COL13A1: variants seen among roughly 807,000 people sequenced by gnomAD.
COL13A1 encodes collagen type XIII alpha 1 chain.
COL13A1 carries 89 observed loss-of-function variants against 130.9 expected under a neutral mutation model. The ratio of observed to expected loss-of-function variants is 0.68; its 90% CI spans 0.57 to 0.81. The LOEUF is 0.81. Ranked by LOEUF, COL13A1 falls within the 30% of genes least tolerant of loss-of-function variation. The pLI is 0.00. For missense variants in COL13A1, 879 were observed against 934.6 expected (o/e 0.94, Z 0.78); for synonymous variants, 402 against 341.6 (o/e 1.18, Z -1.95).
intron 18 of COL13A1, among the ~76,000 whole-genome samples, chr10:69,917,913 TCTCCTCCTCCTC>T (rs563821634): frequency 6.6e-6 from 1 of 151,000 alleles, no homozygotes; most frequent in Admixed American, 6.6e-5. Context: ...TCCCTTCCCA[TCTCCTCCTCCTC>T]CTCCTCCTTT....
chr10:69,869,665 C>A (rs1280599892), intron 3 of COL13A1, among the ~76,000 whole-genome samples: 5 of 152,232 alleles, frequency 3.3e-5, no homozygotes, highest in Non-Finnish European at 7.3e-5. Flanking sequence ...ATGCCCCTGG[C>A]AGACATTGCT....
chr10:69,879,752 C>G (rs2059945258), intron 6 of COL13A1, among the ~76,000 whole-genome samples: 1 of 152,190 alleles, frequency 6.6e-6, no homozygotes, highest in Admixed American at 6.5e-5. Flanking sequence ...ACACATGGCA[C>G]TTGTCTAGCT....
chr10:69,905,808 T>C lies in COL13A1; in HGVS notation c.907T>C (p.Tyr303His). 1 of 1,613,736 alleles carries C rather than the reference T, an allele frequency of 6.2e-7. No individual in the cohort carries two copies. The highest frequency in any genetic ancestry group is 8.5e-7 in the Non-Finnish European group (1 of 1,179,798). The change falls in exon 17 of 41, where the codon TAC becomes CAC. Residue 303 changes from tyrosine (Y) to histidine (H), a missense_variant. Coordinates refer to ENST00000645393, the MANE Select transcript of COL13A1 (RefSeq NM_001368882.1). ...GPKGDPGIQG[Y>H]HGRKGERGMP... is the part of the protein sequence containing the mutation. ...CCAGGGAGACCCAGGGATCCAGGGC[T>C]ACCACGGCCGGAAGGTAAGATGGAG... is the stretch of plus-strand genomic sequence containing the variant.
In COL13A1 at chr10:69,956,964, G is replaced by A. The variant is rs190099816; in HGVS notation, c.2146-40G>A. On this transcript the variant is annotated intron_variant, in intron 39 of 40. Coordinates refer to ENST00000645393, the MANE Select transcript of COL13A1 (RefSeq NM_001368882.1). ...TGTCCTGCCCACTTGGTGGACCATT[G>A]CAGGAAGTCTGAGCCCTCTGCCTTC... is the stretch of plus-strand genomic sequence containing the variant. 7.2e-5 allele frequency: 114 copies of A among 1,585,560 alleles called. No individual in the cohort carries two copies. The African/African-American group carries it at 1.3e-3, about 18-fold the overall frequency.
intron 35 of COL13A1, among the ~76,000 whole-genome samples, chr10:69,943,481 C>T (rs2067966373): frequency 6.6e-6 from 1 of 152,240 alleles, no homozygotes; most frequent in Non-Finnish European, 1.5e-5. Context: ...GGCTCCAGCG[C>T]CCCCAGCCCC....
intron 1 of COL13A1, among the ~76,000 whole-genome samples, chr10:69,809,454 A>G (rs1313104860): frequency 1.3e-5 from 2 of 152,250 alleles, no homozygotes; most frequent in African/African-American, 4.8e-5. Context: ...CAATAATCCT[A>G]TGAAGTGGTT....
chr10:69,880,176 G>A (rs2059989086), intron 6 of COL13A1, among the ~76,000 whole-genome samples: 1 of 151,954 alleles, frequency 6.6e-6, no homozygotes, highest in South Asian at 2.1e-4. Flanking sequence ...CCCCGGCCTG[G>A]GGTCCCACCA....
intron 34 of COL13A1, among the ~76,000 whole-genome samples, chr10:69,940,410 C>G (rs761023923): frequency 1.3e-5 from 2 of 152,148 alleles, no homozygotes; most frequent in Non-Finnish European, 2.9e-5. Context: ...CATCTAAGAG[C>G]CAACTCATTC....
intron 1 of COL13A1, among the ~76,000 whole-genome samples, chr10:69,803,532 G>T (rs1840630670): frequency 6.6e-6 from 1 of 152,162 alleles, no homozygotes; most frequent in Non-Finnish European, 1.5e-5. Context: ...TGATCTGTGG[G>T]AATCTGGACA....
chr10:69,949,966 G>A (rs1025656966), intron 38 of COL13A1, among the ~76,000 whole-genome samples: 12 of 78,262 alleles, frequency 1.5e-4, no homozygotes, highest in South Asian at 9.2e-4. Context: ...TTGTGTGTGC[G>A]TGTGTGTGTG....
chr10:69,925,175 A>G (rs965880428), intron 25 of COL13A1, among the ~76,000 whole-genome samples, 168 bp downstream of exon 25: 2 of 152,228 alleles, frequency 1.3e-5, no homozygotes, highest in African/African-American at 4.8e-5. Context: ...GAGGGCTTCA[A>G]TATTTAAAGG....
At chr10:69,810,374 G>GACAC (rs1460780355) in intron 1 of COL13A1, among the ~76,000 whole-genome samples, 4 of 151,352 alleles carry the variant, frequency 2.6e-5, no homozygotes, top group East Asian at 1.9e-4. Flanking sequence ...GAGAGAGAGA[G>GACAC]AGAGAGACAG....
intron 35 of COL13A1, among the ~76,000 whole-genome samples, chr10:69,941,455 G>T (rs935711117): frequency 1.3e-5 from 2 of 152,166 alleles, no homozygotes; most frequent in Non-Finnish European, 2.9e-5. Context: ...CTTCCCACGA[G>T]GGCCTCCTAG....
At chr10:69,824,781 G>A (rs1321128091) in intron 2 of COL13A1, among the ~76,000 whole-genome samples, 2 of 152,220 alleles carry the variant, frequency 1.3e-5, no homozygotes, top group East Asian at 3.9e-4. Context: ...TTTCTAAAAA[G>A]GCAGTTTGGC....
rs140550037 is a variant in COL13A1 at position 69,871,990 on chromosome 10, G to T, written c.373-194G>T. ...AGAGCCAAGAGGTGAACACAGGTGG[G>T]CTTTCTTCAGAGCCAGAACTGGAAG... On this transcript the variant is annotated intron_variant, in intron 3 of 40. Coordinates refer to ENST00000645393, the MANE Select transcript of COL13A1 (RefSeq NM_001368882.1). Among the ~76,000 whole-genome samples, 115 of 152,324 alleles carry T rather than the reference G, an allele frequency of 7.5e-4. 1 individual carries two copies. The East Asian group carries it at 0.02, about 26-fold the overall frequency.
chr10:69,880,507 C>T lies in COL13A1; in HGVS notation c.467C>T (p.Ser156Phe), dbSNP rs141069345. ...GVKGQPGEKGSPGDAGLSIIG... is the reference protein window; with the variant it reads ...GVKGQPGEKGFPGDAGLSIIG... ...CCCCTTCCTCTCTCCCCGCAGGGGTCCCCCGGAGACGCTGGGCTGTCCATC... is the reference window on the plus strand; with the variant it reads ...CCCCTTCCTCTCTCCCCGCAGGGGTTCCCCGGAGACGCTGGGCTGTCCATC... Residue 156 changes from serine to phenylalanine, a missense_variant, in exon 7 of 41, where the codon TCC becomes TTC. This residue lies in a region of COL13A1 where 715 missense variants were observed against 721.0 expected (regional missense o/e 0.99). Transcript: ENST00000645393. 8 of 1,609,734 alleles carry T rather than the reference C, an allele frequency of 5.0e-6. No homozygotes were observed. Among genetic ancestry groups the T allele is most frequent in the Non-Finnish European group, 3.4e-6 (4 of 1,176,424 alleles).
chr10:69,898,774 C>T lies in COL13A1; in HGVS notation c.750+12C>T. On this transcript the variant is annotated intron_variant, in intron 14 of 40. Transcript: ENST00000645393. Reference sequence around the variant, plus strand: ...GGCGGACGTTCCAGGTAGACACCTCCCGTTTGTCCAGACCATGTGTGGTTT... The same window carrying T: ...GGCGGACGTTCCAGGTAGACACCTCTCGTTTGTCCAGACCATGTGTGGTTT... 1.2e-6 allele frequency: 2 copies of T among 1,608,792 alleles called. No homozygotes were observed. Among genetic ancestry groups the T allele is most frequent in the Non-Finnish European group, 1.7e-6 (2 of 1,176,680 alleles).
chr10:69,907,806 A>G (rs1589438849), intron 17 of COL13A1, among the ~76,000 whole-genome samples: 2 of 152,046 alleles, frequency 1.3e-5, no homozygotes, highest in African/African-American at 4.8e-5. Flanking sequence ...TAACTAATTC[A>G]CTCCCACAAT....
chr10:69,940,978 C>CT lies in COL13A1; in HGVS notation c.1879-8dup. 1 of 1,613,896 alleles carries CT rather than the reference C, an allele frequency of 6.2e-7. No individual in the cohort carries two copies. The highest frequency in any genetic ancestry group is 8.5e-7 in the Non-Finnish European group (1 of 1,179,864). On this transcript the variant is annotated splice_polypyrimidine_tract_variant and intron_variant, in intron 34 of 40. Coordinates refer to ENST00000645393, the MANE Select transcript of COL13A1 (RefSeq NM_001368882.1). ...CCCCTTCTTTTGGTCAAACTGTGCC[C>CT]TTCGTCCAGGGAGCTTCAGGTTTGG...
Sources: allele counts gnomAD v4.1 joint callset (sites outside exome capture counted in the v4.1 genomes callset), GRCh38; gene constraint gnomAD v4.1.1; regional missense constraint gnomAD v4.1.1; transcripts MANE v1.5; gene names NCBI Gene and HGNC (gene_info 2026-07-23, HGNC 2026-07-21).